VPS53: variants seen among roughly 807,000 people sequenced by gnomAD.
VPS53 encodes VPS53 subunit of GARP complex, also known as vacuolar protein sorting-associated protein 53 homolog.
VPS53 carries 70 observed loss-of-function variants against 107.0 expected under a neutral mutation model. The ratio of observed to expected loss-of-function variants is 0.65; its 90% CI spans 0.54 to 0.80. The LOEUF is 0.80. VPS53 is among the 30% of genes least tolerant of loss of function. VPS53 has a pLI of 0.00. For synonymous variants in VPS53, 409 were observed against 393.3 expected (o/e 1.04, Z -0.47); for missense variants, 917 against 1,049.4 (o/e 0.87, Z 1.74).
At chr17:525,941 G>A (rs1161577870) in intron 19 of VPS53, among the ~76,000 whole-genome samples, 1 of 144,684 alleles carries the variant, frequency 6.9e-6, no homozygotes, top group South Asian at 2.2e-4. Context: ...AGGTTGCAGT[G>A]AGCCGAGATC....
At chr17:612,163 A>C (rs1361787798) in intron 11 of VPS53, among the ~76,000 whole-genome samples, 1 of 151,596 alleles carries the variant, frequency 6.6e-6, no homozygotes, top group Non-Finnish European at 1.5e-5. Context: ...AACCTGTACA[A>C]ATATTCATAG....
intron 7 of VPS53, among the ~76,000 whole-genome samples, chr17:644,967 ATAAG>A (rs1392291579): frequency 1.3e-5 from 2 of 152,222 alleles, no homozygotes; most frequent in African/African-American, 4.8e-5. Context: ...GAACTAAAAG[ATAAG>A]TAAATCCTCC....
intron 6 of VPS53, among the ~76,000 whole-genome samples, chr17:654,443 A>G (rs60773719): frequency 0.099 from 15,112 of 152,070 alleles, 845 homozygotes; most frequent in East Asian, 0.22. Flanking sequence ...AGAAGCATTG[A>G]AAAAGACAGG....
chr17:613,226 T>A (rs985483196), intron 11 of VPS53, among the ~76,000 whole-genome samples: 5 of 150,646 alleles, frequency 3.3e-5, no homozygotes, highest in Non-Finnish European at 5.9e-5. Context: ...GTTCACACAG[T>A]GAAAACCTGC....
chr17:634,445 T>C (rs1597410028), intron 7 of VPS53, among the ~76,000 whole-genome samples: 2 of 152,270 alleles, frequency 1.3e-5, no homozygotes, highest in African/African-American at 4.8e-5. Flanking sequence ...GTGCACAATG[T>C]GCAGGTTCGT....
At position 560,495 on chromosome 17, in the gene VPS53, A is replaced by T. The variant is rs1191221722; in HGVS notation, c.1635T>A (p.Thr545=). The T allele has an allele frequency of 4.3e-6, 7 of 1,613,592 alleles. No individual in the cohort carries two copies. Among genetic ancestry groups the T allele is most frequent in the Non-Finnish European group, 5.9e-6 (7 of 1,180,022 alleles). ...EKEGSEVAKF[T]LEELCLICNI... ...TACAGATGAGGCAGAGCTCCTCCAGAGTGAACTTGGCTACTTCTGAGCCCT... is the reference window on the plus strand; with the variant it reads ...TACAGATGAGGCAGAGCTCCTCCAGTGTGAACTTGGCTACTTCTGAGCCCT... The change falls in exon 15 of 22, where the codon ACT becomes ACA. Residue 545 remains threonine, a synonymous_variant. Transcript: ENST00000437048.
Position 519,718 on chromosome 17 carries a change from A to G in VPS53, c.2328+108T>C. ...TCCGGTTTGCTCTGTGGAGCCAGGC[A>G]CATGCATTTTGAGAAAGCCCCCCCG... On this transcript the variant is annotated intron_variant, in intron 21 of 21. Transcript: ENST00000437048. The surrounding 1 kb of genome is among the most constrained non-coding windows in gnomAD (Gnocchi z 5.0). The G allele has an allele frequency of 4.8e-6, 4 of 832,702 alleles. No homozygotes were observed. Among genetic ancestry groups the G allele is most frequent in the Non-Finnish European group, 5.9e-6 (3 of 511,694 alleles). 51.6% of individuals were successfully genotyped at this position (832,702 alleles called of 1,614,324 possible).
At chr17:680,307 C>A (rs558149794) in intron 4 of VPS53, among the ~76,000 whole-genome samples, 1 of 152,018 alleles carries the variant, frequency 6.6e-6, no homozygotes. Context: ...ATAACAACAA[C>A]AAAAACTGAC....
intron 12 of VPS53, among the ~76,000 whole-genome samples, chr17:588,336 A>AACAG (rs1967441428): frequency 6.6e-6 from 1 of 151,378 alleles, no homozygotes; most frequent in South Asian, 2.1e-4. Context: ...CAAACAAACA[A>AACAG]ACAAAAAAGA....
chr17:524,697 G>A lies in VPS53; in HGVS notation c.2086-2959C>T, dbSNP rs1007093125. Among the ~76,000 whole-genome samples, 1 of 152,194 alleles carries A rather than the reference G, an allele frequency of 6.6e-6. No individual in the cohort carries two copies. Among genetic ancestry groups the A allele is most frequent in the Non-Finnish European group, 1.5e-5 (1 of 68,030 alleles). ...TGTACACCATAATACATCCATCAGA[G>A]TCAGAAGTAAACAGATTATTTGATA... On this transcript the variant is annotated intron_variant, in intron 19 of 21. Transcript: ENST00000437048. The surrounding 1 kb of genome is among the most constrained non-coding windows in gnomAD (Gnocchi z 4.5).
Position 632,140 on chromosome 17 carries a change from G to A in VPS53, c.609-512C>T, listed in dbSNP as rs115081979. 1.7e-3 allele frequency among the ~76,000 whole-genome samples: 262 copies of A among 152,136 alleles called. 2 individuals carry two copies. The highest frequency in any genetic ancestry group is 6.0e-3 in the African/African-American group (248 of 41,512). ...GGTGCGGGGGCACACACCTGTACTC[G>A]GGAGGCTGCGGCGGGAGGATCTCTT... is the stretch of plus-strand genomic sequence containing the variant. On this transcript the variant is annotated intron_variant, in intron 7 of 21. Coordinates refer to ENST00000437048, the MANE Select transcript of VPS53 (RefSeq NM_001128159.3).
intron 4 of VPS53, among the ~76,000 whole-genome samples, chr17:692,462 T>C (rs777039882): frequency 1.3e-5 from 2 of 152,160 alleles, no homozygotes; most frequent in Non-Finnish European, 2.9e-5. Flanking sequence ...CTGGCCCACA[T>C]AGAAGGTGGT....
chr17:655,715 A>G, intron 6 of VPS53, 123 bp downstream of exon 6: 11 of 886,180 alleles, frequency 1.2e-5, no homozygotes, highest in Middle Eastern at 2.3e-4. Context: ...CTTGAAGCCA[A>G]TTTGCAGAAA....
At chr17:709,581 C>T (rs899373947) in intron 2 of VPS53, among the ~76,000 whole-genome samples, 3 of 152,180 alleles carry the variant, frequency 2.0e-5, no homozygotes, top group African/African-American at 7.2e-5. Flanking sequence ...ACCACTTGAT[C>T]CTGCACACCT....
chr17:546,827 AC>A (rs1911235060), intron 17 of VPS53, among the ~76,000 whole-genome samples: 1 of 149,542 alleles, frequency 6.7e-6, no homozygotes, highest in African/African-American at 2.5e-5. Flanking sequence ...ACATAAATTG[AC>A]CATACGGCTC....
At chr17:690,722 G>A (rs1391313766) in intron 4 of VPS53, among the ~76,000 whole-genome samples, 1 of 150,776 alleles carries the variant, frequency 6.6e-6, no homozygotes, top group Non-Finnish European at 1.5e-5. Flanking sequence ...GAAGAATAGT[G>A]TCTAAAATAA....
At chr17:609,815 A>AG (rs1898143801) in intron 11 of VPS53, among the ~76,000 whole-genome samples, 1 of 152,164 alleles carries the variant, frequency 6.6e-6, no homozygotes, top group Non-Finnish European at 1.5e-5. Flanking sequence ...GAGGAAAAAA[A>AG]CAATCTCAAA....
rs533285860 is a variant in VPS53, at chr17:517,481, C to T, written c.*1647G>A. 1.8e-5 allele frequency: 7 copies of T among 398,614 alleles called. No homozygotes were observed. The highest frequency in any genetic ancestry group is 8.2e-5 in the African/African-American group (4 of 48,754). The allele number at this position is 398,614 out of a possible 1,614,324, so 24.7% of individuals were successfully genotyped here. On this transcript the variant is annotated 3_prime_UTR_variant, in exon 22 of 22. Transcript: ENST00000437048. ...ATTTCCAAACCTTATTCCTACTGTA[C>T]GGCTGTTACAAGTTTTATGGATTTT...
intron 4 of VPS53, among the ~76,000 whole-genome samples, chr17:670,288 C>T (rs1452673253): frequency 2.6e-5 from 4 of 152,128 alleles, no homozygotes; most frequent in African/African-American, 9.7e-5. Context: ...CGGTGACTGC[C>T]GTGCTCCTCT....
Sources: gnomAD v4.1 joint callset for allele counts (sites outside exome capture counted in the v4.1 genomes callset) on GRCh38, gnomAD v4.1.1 for gene constraint, Gnocchi (gnomAD v3.1) non-coding constraint, MANE v1.5 for transcripts, NCBI Gene and HGNC (gene_info 2026-07-23, HGNC 2026-07-21) for gene names.